Variants in RINL observed in about 807,000 individuals in gnomAD.
The protein encoded by RINL is Ras and Rab interactor like, also known as ras and Rab interactor-like protein.
A neutral mutation model predicts 58.1 loss-of-function variants in RINL; 39 were observed. That is an observed-to-expected ratio of 0.67 (90% CI 0.52 to 0.88). The LOEUF (loss-of-function observed/expected upper bound fraction) is 0.88, where lower values mean the gene tolerates loss of function less well. Among genes scored for constraint, RINL ranks in the 40% least tolerant of loss-of-function variants. RINL has a pLI of 0.00. For synonymous variants in RINL, 286 were observed against 323.1 expected (o/e 0.89, Z 1.23); for missense variants, 711 against 749.2 (o/e 0.95, Z 0.60).
In RINL at chr19:38,870,842, T is replaced by G. The variant is rs544178228; in HGVS notation, c.752A>C (p.Glu251Ala). The G allele has an allele frequency of 6.2e-7, 1 of 1,607,938 alleles. No homozygotes were observed. Among genetic ancestry groups the G allele is most frequent in the African/African-American group, 1.3e-5 (1 of 75,034 alleles). Residue 251 changes from glutamate (E) to alanine (A), a missense_variant, in exon 8 of 12, where the codon GAA becomes GCA. Physicochemically the swap from Glu to Ala is moderately radical, Grantham distance 107. Transcript: ENST00000591812. This position sits in a 1 kb window ranked among gnomAD's most constrained non-coding sequence, Gnocchi z 5.8. ...GAGCACGTCCTCAGGGCCTTCCTCTTCAGGGTCGTCCTCCCTTCCTTCCTC... is the reference window on the plus strand; with the variant it reads ...GAGCACGTCCTCAGGGCCTTCCTCTGCAGGGTCGTCCTCCCTTCCTTCCTC... ...GKEEGREDDP[E>A]EEGPEDVLTI...
chr19:38,873,820 C>G, intron 4 of RINL, 66 bp downstream of exon 4: 2 of 1,034,494 alleles, frequency 1.9e-6, no homozygotes, highest in Non-Finnish European at 2.9e-6. Flanking sequence ...GCCACCGCGC[C>G]GGTCCAGCTG....
At chr19:38,876,833 T>G in intron 1 of RINL, 52 bp from the exon 2 acceptor site, 1 of 1,038,242 alleles carries the variant, frequency 9.6e-7, no homozygotes, top group African/African-American at 1.6e-5. Flanking sequence ...CGGGTCATGT[T>G]CAAGATATTT....
rs888394543 is a variant in RINL, at chr19:38,869,197, G to T, written c.1639-31C>A. ...GGGAGAGGTGGGAGCTGGGTCAGAA[G>T]GGCACCAGGTCTCACCCTCCCTTCT... On this transcript the variant is annotated intron_variant, in intron 11 of 11. Coordinates refer to ENST00000591812, the MANE Select transcript of RINL (RefSeq NM_001195833.2). The surrounding 1 kb of genome is among the most constrained non-coding windows in gnomAD (Gnocchi z 5.7). 1 of 1,614,166 alleles carries T rather than the reference G, an allele frequency of 6.2e-7. No homozygotes were observed. The highest frequency in any genetic ancestry group is 1.7e-5 in the Admixed American group (1 of 60,020).
intron 4 of RINL, 186 bp downstream of exon 4, chr19:38,873,700 A>AT: frequency 2.1e-6 from 1 of 480,640 alleles, no homozygotes. Flanking sequence ...TAATTTTTGT[A>AT]TTTTTTGTAG....
chr19:38,877,584 C>T (rs1375006375), intron 1 of RINL, among the ~76,000 whole-genome samples: 3 of 152,204 alleles, frequency 2.0e-5, no homozygotes, highest in Admixed American at 2.0e-4. Flanking sequence ...GGAAACATCC[C>T]TATGCCCACT....
chr19:38,870,978 C>A lies in RINL; in HGVS notation c.616G>T (p.Ala206Ser). 1 of 1,601,836 alleles carries A rather than the reference C, an allele frequency of 6.2e-7. No homozygotes were observed. The highest frequency in any genetic ancestry group is 1.3e-5 in the African/African-American group (1 of 74,904). Residue 206 changes from alanine to serine, a missense_variant, in exon 8 of 12, where the codon GCG (alanine) becomes TCG (serine). By Grantham distance (99) the Ala-to-Ser change is moderately conservative. Transcript: ENST00000591812. The surrounding 1 kb of genome is among the most constrained non-coding windows in gnomAD (Gnocchi z 5.8). ...TTCACCCAGGAGACCCCGTGAGGCG[C>A]AGGGTTCCTGGGGGCTGGAAGTGAG... ...QRHDPAPRNP[A>S]PHGVSWVKGP...
chr19:38,876,038 T>C (rs1382123894), intron 3 of RINL, among the ~76,000 whole-genome samples: 2 of 151,220 alleles, frequency 1.3e-5, no homozygotes, highest in Non-Finnish European at 2.9e-5. Context: ...AAGTTCAGGA[T>C]CCAGAGCTTC....
At chr19:38,876,849 C>A in intron 1 of RINL, 68 bp from the exon 2 acceptor site, 1 of 891,966 alleles carries the variant, frequency 1.1e-6, no homozygotes, top group East Asian at 2.6e-5. Context: ...TATTTACAAT[C>A]AATATGGCAG....
Position 38,869,915 on chromosome 19 carries a change from C to A in RINL, c.1342+28G>T. 1 of 1,573,486 alleles carries A rather than the reference C, an allele frequency of 6.4e-7. No individual in the cohort carries two copies. ...GCTCCAACTCTCAAGGCTCTCCCCA[C>A]CACGCTAGACGTTGACCCCTCCCTT... On this transcript the variant is annotated intron_variant, in intron 9 of 11. Coordinates refer to ENST00000591812, the MANE Select transcript of RINL (RefSeq NM_001195833.2). The surrounding 1 kb of genome is among the most constrained non-coding windows in gnomAD (Gnocchi z 5.7).
At chr19:38,874,150 C>A (rs1423842068) in intron 3 of RINL, among the ~76,000 whole-genome samples, 162 bp from the exon 4 acceptor site, 1 of 152,218 alleles carries the variant, frequency 6.6e-6, no homozygotes, top group Non-Finnish European at 1.5e-5. Context: ...GGCTGACTTC[C>A]CCCAAGCCCT....
At position 38,871,106 on chromosome 19, in the gene RINL, C is replaced by A; in HGVS notation, c.573G>T (p.Glu191Asp). Reference sequence around the variant, plus strand: ...GATCATGTCTCTGAGCAGCCTCTGGCTCTGTTTCTTGAGGGGTCTGCTCCC... The same window carrying A: ...GATCATGTCTCTGAGCAGCCTCTGGATCTGTTTCTTGAGGGGTCTGCTCCC... ...WGREQTPQET[E>D]PEAAQRHDPA... The change falls in exon 7 of 12, where the codon GAG (glutamate) becomes GAT (aspartate). Residue 191 changes from glutamate to aspartate, a missense_variant. Coordinates refer to ENST00000591812, the MANE Select transcript of RINL (RefSeq NM_001195833.2). 1 of 1,609,312 alleles carries A rather than the reference C, an allele frequency of 6.2e-7. No individual in the cohort carries two copies. The highest frequency in any genetic ancestry group is 1.1e-5 in the South Asian group (1 of 90,420).
intron 6 of RINL, 159 bp from the exon 7 acceptor site, chr19:38,871,386 G>A: frequency 1.3e-6 from 1 of 791,264 alleles, no homozygotes; most frequent in African/African-American, 1.7e-5. Context: ...CAGGCCCCTA[G>A]TCCCCTTCTC....
Position 38,869,628 on chromosome 19 carries a change from C to A in RINL, c.1419G>T (p.Gln473His). The change falls in exon 10 of 12, where the codon CAG (glutamine) becomes CAT (histidine). Residue 473 changes from glutamine (Q) to histidine (H), a missense_variant. Transcript: ENST00000591812. The surrounding 1 kb of genome is among the most constrained non-coding windows in gnomAD (Gnocchi z 5.7). ...LIWSPDIGDTQLDVEFLMELL... is the reference protein window; with the variant it reads ...LIWSPDIGDTHLDVEFLMELL... ...GCTCCATAAGAAACTCTACGTCCAG[C>A]TGCGTGTCCCCAATGTCCGGGCTCC... The A allele has an allele frequency of 6.2e-7, 1 of 1,614,008 alleles. No homozygotes were observed. The highest frequency in any genetic ancestry group is 8.5e-7 in the Non-Finnish European group (1 of 1,180,014).
chr19:38,869,328 C>A lies in RINL; in HGVS notation c.1557G>T (p.Gly519=). The change falls in exon 11 of 12, where the codon GGG becomes GGT. Residue 519 remains glycine (G), a synonymous_variant. Transcript: ENST00000591812. This position sits in a 1 kb window ranked among gnomAD's most constrained non-coding sequence, Gnocchi z 5.7. The stretch of plus-strand genomic sequence containing the variant: ...GGGAGGCGCGGGCCTCGGAGCTGAG[C>A]CCCCGGGGAGCGCGGTCTGTTTCGG... ...YQPETDRAPR[G]LSSEARASLH... is the part of the protein sequence containing the mutation. 1 of 1,613,878 alleles carries A rather than the reference C, an allele frequency of 6.2e-7. No individual in the cohort carries two copies. Among genetic ancestry groups the A allele is most frequent in the Non-Finnish European group, 8.5e-7 (1 of 1,179,942 alleles).
Position 38,876,704 on chromosome 19 carries a change from T to C in RINL, c.39A>G (p.Thr13=). The change falls in exon 2 of 12, where the codon ACA becomes ACG. Residue 13 remains threonine, a synonymous_variant. Transcript: ENST00000591812. ...QPEDKAPEVP[T]EGVRLVPPQV... ...CCTAGTAGCCTCACCTCACCCCCTC[T>C]GTGGGGACTTCAGGTGCCTTGTCTT... 2.0e-6 allele frequency: 3 copies of C among 1,536,116 alleles called. No individual in the cohort carries two copies. The highest frequency in any genetic ancestry group is 2.6e-6 in the Non-Finnish European group (3 of 1,146,882).
chr19:38,871,129 C>G lies in RINL; in HGVS notation c.550G>C (p.Glu184Gln), dbSNP rs200576310. Reference protein sequence around the residue: ...YLETHRGWGREQTPQETEPEA... With the variant: ...YLETHRGWGRQQTPQETEPEA... ...GGCTCTGTTTCTTGAGGGGTCTGCTCCCTCCCCCAGCCTCTGTGGGTCTCC... is the reference window on the plus strand; with the variant it reads ...GGCTCTGTTTCTTGAGGGGTCTGCTGCCTCCCCCAGCCTCTGTGGGTCTCC... Residue 184 changes from glutamate to glutamine, a missense_variant, in exon 7 of 12, where the codon GAG becomes CAG. Physicochemically the swap from Glu to Gln is conservative, Grantham distance 29 (BLOSUM62 2). Coordinates refer to ENST00000591812, the MANE Select transcript of RINL (RefSeq NM_001195833.2). 6.1e-5 allele frequency: 99 copies of G among 1,613,184 alleles called. No homozygotes were observed. The highest frequency in any genetic ancestry group is 4.9e-4 in the Middle Eastern group (3 of 6,084).
Position 38,871,886 on chromosome 19 carries a change from G to A in RINL, c.314-16C>T. The A allele has an allele frequency of 6.2e-7, 1 of 1,607,448 alleles. No individual in the cohort carries two copies. The highest frequency in any genetic ancestry group is 1.3e-5 in the African/African-American group (1 of 74,890). On this transcript the variant is annotated splice_polypyrimidine_tract_variant and intron_variant, in intron 4 of 11. Coordinates refer to ENST00000591812, the MANE Select transcript of RINL (RefSeq NM_001195833.2). ...AGGGACACACCTGTGGTGGGGGGAG[G>A]AAGAAGGAGAAAGTAAACTTGAGTG... is the stretch of plus-strand genomic sequence containing the variant.
chr19:38,875,161 A>T (rs1972893445), intron 3 of RINL, among the ~76,000 whole-genome samples: 1 of 151,030 alleles, frequency 6.6e-6, no homozygotes, highest in African/African-American at 2.4e-5. Flanking sequence ...AATAATAAAT[A>T]AAAAAATTAA....
Position 38,870,868 on chromosome 19 carries a change from C to T in RINL, c.726G>A (p.Lys242=), listed in dbSNP as rs1972794315. 1 of 1,605,420 alleles carries T rather than the reference C, an allele frequency of 6.2e-7. No individual in the cohort carries two copies. Among genetic ancestry groups the T allele is most frequent in the South Asian group, 1.1e-5 (1 of 91,092 alleles). The change falls in exon 8 of 12, where the codon AAG becomes AAA. Residue 242 remains lysine, a synonymous_variant. Coordinates refer to ENST00000591812, the MANE Select transcript of RINL (RefSeq NM_001195833.2). The surrounding 1 kb of genome is among the most constrained non-coding windows in gnomAD (Gnocchi z 5.8). ...LEEEEEDLEG[K]EEGREDDPEE... ...CAGGGTCGTCCTCCCTTCCTTCCTC[C>T]TTTCCTTCAAGGTCTTCCTCCTCCT...
Sources: gnomAD v4.1 joint callset for allele counts (sites outside exome capture counted in the v4.1 genomes callset) on GRCh38, gnomAD v4.1.1 for gene constraint, Gnocchi (gnomAD v3.1) non-coding constraint, MANE v1.5 for transcripts, NCBI Gene and HGNC (gene_info 2026-07-23, HGNC 2026-07-21) for gene names.